The following ACSS1 variants were observed in gnomAD, a reference collection of about 807,000 sequenced individuals.
The protein encoded by ACSS1 is acetyl-coenzyme A synthetase 2-like, mitochondrial.
Under a neutral mutation model 75.3 loss-of-function variants are expected in ACSS1, and 42 were observed. The ratio of observed to expected loss-of-function variants is 0.56; its 90% CI spans 0.44 to 0.72. ACSS1 has a LOEUF of 0.72. Among genes scored for constraint, ACSS1 ranks in the 30% least tolerant of loss-of-function variants. ACSS1 has a pLI of 0.00. For missense variants in ACSS1, 782 were observed against 935.7 expected (o/e 0.84, Z 2.14); for synonymous variants, 380 against 376.8 (o/e 1.01, Z -0.10).
chr20:25,029,914 G>A (rs887490716), intron 3 of ACSS1, among the ~76,000 whole-genome samples: 7 of 152,224 alleles, frequency 4.6e-5, no homozygotes, highest in African/African-American at 1.4e-4. Context: ...TTTGTAGAGT[G>A]CTTAGAACAG....
chr20:25,033,769 G>T (rs954617079), intron 2 of ACSS1, among the ~76,000 whole-genome samples: 1 of 152,228 alleles, frequency 6.6e-6, no homozygotes, highest in Non-Finnish European at 1.5e-5. Flanking sequence ...ACAGCCACTG[G>T]GGGTGGCAGG....
At chr20:25,057,226 G>T (rs1448024626) in intron 1 of ACSS1, among the ~76,000 whole-genome samples, 1 of 152,200 alleles carries the variant, frequency 6.6e-6, no homozygotes, top group Non-Finnish European at 1.5e-5. Context: ...GGTTCCAGCT[G>T]CCACGCCGAG....
chr20:25,007,862 T>G lies in ACSS1; in HGVS notation c.1970A>C (p.Gln657Pro). Reference sequence around the variant, plus strand: ...CAAGGTGGTAGTGTCTCCCAGCTCCTGGGCCTCACTAGTGATGATCTTCCT... The same window carrying G: ...CAAGGTGGTAGTGTCTCCCAGCTCCGGGGCCTCACTAGTGATGATCTTCCT... Reference protein sequence around the residue: ...LLRKIITSEAQELGDTTTLED... With the variant: ...LLRKIITSEAPELGDTTTLED... Residue 657 changes from glutamine (Q) to proline (P), a missense_variant, in exon 14 of 14, where the codon CAG (glutamine) becomes CCG (proline). Gln to Pro is a moderately conservative substitution (Grantham distance 76). Coordinates refer to ENST00000323482, the MANE Select transcript of ACSS1 (RefSeq NM_032501.4). 6.2e-7 allele frequency: 1 copy of G among 1,614,216 alleles called. No homozygotes were observed. Among genetic ancestry groups the G allele is most frequent in the Non-Finnish European group, 8.5e-7 (1 of 1,180,034 alleles).
intron 2 of ACSS1, among the ~76,000 whole-genome samples, chr20:25,033,989 T>G (rs561976229): frequency 1.3e-4 from 20 of 152,354 alleles, no homozygotes; most frequent in African/African-American, 4.8e-4. Context: ...AAGCAGGGTC[T>G]GGTGAGTCTC....
chr20:25,013,926 C>G (rs1267767193), intron 9 of ACSS1, 35 bp downstream of exon 9: 2 of 1,589,868 alleles, frequency 1.3e-6, no homozygotes, highest in African/African-American at 2.7e-5. Context: ...GGAGGGCAAG[C>G]ACATGACCCC....
chr20:25,040,014 G>A (rs2088975125), intron 2 of ACSS1, among the ~76,000 whole-genome samples: 2 of 152,356 alleles, frequency 1.3e-5, no homozygotes, highest in Admixed American at 6.5e-5. Flanking sequence ...CTGGTGCCCT[G>A]GCAGAACATT....
At chr20:25,034,058 T>C (rs1364708776) in intron 2 of ACSS1, among the ~76,000 whole-genome samples, 1 of 152,078 alleles carries the variant, frequency 6.6e-6, no homozygotes, top group Non-Finnish European at 1.5e-5. Flanking sequence ...ATCCGGTAAA[T>C]CTCAGAGCTC....
chr20:25,022,213 T>G (rs1175599711), intron 5 of ACSS1, among the ~76,000 whole-genome samples: 1 of 151,880 alleles, frequency 6.6e-6, no homozygotes, highest in Non-Finnish European at 1.5e-5. Flanking sequence ...AAAAAAAAAT[T>G]AGCAGGGTGT....
At chr20:25,015,792 G>A (rs1270448904) in intron 7 of ACSS1, among the ~76,000 whole-genome samples, 1 of 152,216 alleles carries the variant, frequency 6.6e-6, no homozygotes, top group East Asian at 1.9e-4. Context: ...GGATTTCACA[G>A]ACACCATTAG....
chr20:25,054,518 TC>T, intron 1 of ACSS1, among the ~76,000 whole-genome samples: 1 of 152,220 alleles, frequency 6.6e-6, no homozygotes, highest in Non-Finnish European at 1.5e-5. Context: ...CAGGTCCCCT[TC>T]CCCAGGTCGG....
Position 25,048,154 on chromosome 20 carries a change from T to C in ACSS1, c.362A>G (p.Lys121Arg). The C allele has an allele frequency of 6.2e-7, 1 of 1,613,538 alleles. No homozygotes were observed. Among genetic ancestry groups the C allele is most frequent in the Non-Finnish European group, 8.5e-7 (1 of 1,179,990 alleles). ...SVNCLDQHVRKSPESVALIWE... is the reference protein window; with the variant it reads ...SVNCLDQHVRRSPESVALIWE... ...GATCAAAGCAACGCTCTCGGGGGAC[T>C]TCCGAACATGCTGGTCCAAGCAGTT... Residue 121 changes from lysine (K) to arginine (R), a missense_variant, in exon 2 of 14, where the codon AAG (lysine) becomes AGG (arginine). By Grantham distance (26) the Lys-to-Arg change is conservative (BLOSUM62 2). This residue lies in a region of ACSS1 where 377 missense variants were observed against 383.1 expected (regional missense o/e 0.98). Coordinates refer to ENST00000323482, the MANE Select transcript of ACSS1 (RefSeq NM_032501.4).
intron 1 of ACSS1, among the ~76,000 whole-genome samples, chr20:25,053,273 C>T (rs977119778): frequency 1.9e-4 from 29 of 150,090 alleles, no homozygotes; most frequent in African/African-American, 6.7e-4. Context: ...ACTACGTTGC[C>T]AGGCTGGTCT....
At chr20:25,035,012 C>G (rs1281642224) in intron 2 of ACSS1, among the ~76,000 whole-genome samples, 1 of 152,058 alleles carries the variant, frequency 6.6e-6, no homozygotes, top group African/African-American at 2.4e-5. Flanking sequence ...CCTGCCTCAG[C>G]CCAGCCGGAG....
intron 12 of ACSS1, chr20:25,011,035 A>G (rs1217943636): frequency 6.6e-6 from 1 of 152,232 alleles, no homozygotes; most frequent in Non-Finnish European, 1.5e-5. Flanking sequence ...AATTCATTAG[A>G]AATCAGGAAA....
intron 5 of ACSS1, among the ~76,000 whole-genome samples, chr20:25,021,897 G>A (rs2122638484): frequency 1.3e-5 from 2 of 152,318 alleles, no homozygotes; most frequent in East Asian, 3.9e-4. Flanking sequence ...AGTGGAGCCT[G>A]ATCCCATCTC....
Position 25,012,808 on chromosome 20 carries a change from T to G in ACSS1, c.1707+4A>C. On this transcript the variant is annotated splice_donor_region_variant and intron_variant, in intron 11 of 13. Coordinates refer to ENST00000323482, the MANE Select transcript of ACSS1 (RefSeq NM_032501.4). The stretch of plus-strand genomic sequence containing the variant: ...GTGAAGGAGGAGGCCCAGCCTGTGC[T>G]CACGATGGCGTCCTCAATCTCTGCG... The G allele has an allele frequency of 6.2e-7, 1 of 1,614,078 alleles. No homozygotes were observed. Among genetic ancestry groups the G allele is most frequent in the Non-Finnish European group, 8.5e-7 (1 of 1,179,982 alleles).
intron 7 of ACSS1, among the ~76,000 whole-genome samples, chr20:25,017,941 T>C (rs1014783677): frequency 6.6e-6 from 1 of 152,210 alleles, no homozygotes; most frequent in Non-Finnish European, 1.5e-5. Flanking sequence ...CGAGTTTCTA[T>C]GGCCCTGGCC....
intron 1 of ACSS1, among the ~76,000 whole-genome samples, chr20:25,049,011 G>C (rs1448185604): frequency 6.6e-6 from 1 of 152,150 alleles, no homozygotes; most frequent in East Asian, 1.9e-4. Flanking sequence ...CCCCATGAAT[G>C]GTTTTGGGGG....
At chr20:25,049,835 G>A (rs1221793409) in intron 1 of ACSS1, among the ~76,000 whole-genome samples, 7 of 151,956 alleles carry the variant, frequency 4.6e-5, no homozygotes, top group East Asian at 1.9e-4. Context: ...CTGTCCCACC[G>A]CCCCACCCTC....
Sources: gnomAD v4.1 joint callset for allele counts (sites outside exome capture counted in the v4.1 genomes callset) on GRCh38, gnomAD v4.1.1 for gene constraint, gnomAD v4.1.1 regional missense constraint, MANE v1.5 for transcripts, NCBI Gene and HGNC (gene_info 2026-07-23, HGNC 2026-07-21) for gene names.